The following ARAP2 variants were observed in gnomAD, a reference collection of about 807,000 sequenced individuals.
ARAP2 encodes arf-GAP with Rho-GAP domain, ANK repeat and PH domain-containing protein 2.
In ARAP2, 148 loss-of-function variants were observed where a neutral mutation model predicts 194.5. That is an observed-to-expected ratio of 0.76 (90% CI 0.67 to 0.87). The LOEUF (loss-of-function observed/expected upper bound fraction) is 0.87. Ranked by LOEUF, ARAP2 falls within the 40% of genes least tolerant of loss-of-function variation. The pLI is 0.00. For synonymous variants in ARAP2, 695 were observed against 683.5 expected (o/e 1.02, Z -0.26); for missense variants, 2,128 against 1,989.7 (o/e 1.07, Z -1.32).
At chr4:36,121,359 A>G (rs2109543107) in intron 22 of ARAP2, 33 bp from the exon 23 acceptor site, 1 of 1,522,120 alleles carries the variant, frequency 6.6e-7, no homozygotes, top group Non-Finnish European at 8.8e-7. Context: ...ATTATGATAC[A>G]CTTTTATTTG....
chr4:36,052,740 G>A (rs1577669381), intron 2 of ARAP2, among the ~76,000 whole-genome samples: 1 of 152,098 alleles, frequency 6.6e-6, no homozygotes, highest in African/African-American at 2.4e-5. Context: ...CGAGGCGGGC[G>A]GATCACGAGG....
At chr4:36,158,185 A>C (rs1322980478) in intron 15 of ARAP2, among the ~76,000 whole-genome samples, 2 of 152,144 alleles carry the variant, frequency 1.3e-5, no homozygotes, top group African/African-American at 4.8e-5. Flanking sequence ...GCCCCATTGT[A>C]ACTCTGCTCA....
chr4:36,204,987 C>CAAAAAAAAA (rs754960122), intron 6 of ARAP2, among the ~76,000 whole-genome samples: 4 of 35,084 alleles, frequency 1.1e-4, no homozygotes, highest in Non-Finnish European at 1.4e-4. Context: ...GACTCCATCT[C>CAAAAAAAAA]AAAAAAAAAA....
At chr4:36,156,577 A>G (rs1732597911) in intron 15 of ARAP2, among the ~76,000 whole-genome samples, 1 of 152,170 alleles carries the variant, frequency 6.6e-6, no homozygotes, top group African/African-American at 2.4e-5. Context: ...AAGGGAAGCT[A>G]GGGTAAATAC....
At chr4:36,038,817 T>C (rs1720356833) in intron 5 of ARAP2, among the ~76,000 whole-genome samples, 1 of 152,176 alleles carries the variant, frequency 6.6e-6, no homozygotes, top group African/African-American at 2.4e-5. Context: ...ATAAAATAGA[T>C]TGGGCTATTC....
chr4:36,128,707 G>A lies in ARAP2; in HGVS notation c.3466C>T (p.Pro1156Ser), dbSNP rs771667374. The A allele has an allele frequency of 4.3e-6, 7 of 1,611,730 alleles. No homozygotes were observed. Reference sequence around the variant, plus strand: ...TCCAGGAGTTCACTTATATGCAAAGGATCACCATTCTTTTGATAGATATAT... The same window carrying A: ...TCCAGGAGTTCACTTATATGCAAAGAATCACCATTCTTTTGATAGATATAT... ...CKYIYQKNGDPLHISELLESF... is the reference protein window; with the variant it reads ...CKYIYQKNGDSLHISELLESF... Residue 1156 changes from proline to serine, a missense_variant, in exon 21 of 33, where the codon CCT becomes TCT. By Grantham distance (74) the Pro-to-Ser change is moderately conservative. Coordinates refer to ENST00000303965, the MANE Select transcript of ARAP2 (RefSeq NM_015230.4).
chr4:36,118,083 G>C (rs1721802766), intron 24 of ARAP2, among the ~76,000 whole-genome samples: 2 of 151,222 alleles, frequency 1.3e-5, no homozygotes. Context: ...AAAATTTTGT[G>C]GGGAAAACAT....
At chr4:36,168,565 A>G (rs1181445488) in intron 9 of ARAP2, among the ~76,000 whole-genome samples, 1 of 152,186 alleles carries the variant, frequency 6.6e-6, no homozygotes, top group Non-Finnish European at 1.5e-5. Flanking sequence ...ATGCCCCCCA[A>G]CTTGTAACAG....
Position 36,114,208 on chromosome 4 carries a change from A to G in ARAP2, c.4118T>C (p.Ile1373Thr), listed in dbSNP as rs1339932063. Reference protein sequence around the residue: ...IKNIIPTKGDIWATFEVIENE... With the variant: ...IKNIIPTKGDTWATFEVIENE... Reference sequence around the variant, plus strand: ...TTCAATGACTTCAAATGTGGCCCAAATATCACCTTTTGTAGGAATAATATT... The same window carrying G: ...TTCAATGACTTCAAATGTGGCCCAAGTATCACCTTTTGTAGGAATAATATT... Residue 1373 changes from isoleucine to threonine, a missense_variant, in exon 26 of 33, where the codon ATT (isoleucine) becomes ACT (threonine). Coordinates refer to ENST00000303965, the MANE Select transcript of ARAP2 (RefSeq NM_015230.4). 6.2e-7 allele frequency: 1 copy of G among 1,603,400 alleles called. No homozygotes were observed. Among genetic ancestry groups the G allele is most frequent in the South Asian group, 1.1e-5 (1 of 90,152 alleles).
At chr4:36,218,270 G>A (rs915964904) in intron 2 of ARAP2, among the ~76,000 whole-genome samples, 1 of 152,014 alleles carries the variant, frequency 6.6e-6, no homozygotes, top group East Asian at 1.9e-4. Context: ...TAAATGATGA[G>A]AACATATGAG....
intron 2 of ARAP2, among the ~76,000 whole-genome samples, chr4:36,222,710 T>C (rs1749444295): frequency 6.6e-6 from 1 of 151,232 alleles, no homozygotes; most frequent in Non-Finnish European, 1.5e-5. Flanking sequence ...AAAGTCTGGG[T>C]CCACTATGGC....
At chr4:36,048,891 T>C (rs73123435) in intron 3 of ARAP2, among the ~76,000 whole-genome samples, 3,302 of 152,248 alleles carry the variant, frequency 0.022, 142 homozygotes, top group African/African-American at 0.075. Flanking sequence ...ATTTTAAAAA[T>C]ACTTTTTAAG....
intron 3 of ARAP2, among the ~76,000 whole-genome samples, 196 bp from the exon 4 acceptor site, chr4:36,213,515 T>A (rs1747228245): frequency 6.6e-6 from 1 of 152,094 alleles, no homozygotes; most frequent in Non-Finnish European, 1.5e-5. Context: ...ACACATGGTA[T>A]CCACCACTTG....
At chr4:36,179,047 G>A (rs750720631) in intron 8 of ARAP2, among the ~76,000 whole-genome samples, 1 of 151,996 alleles carries the variant, frequency 6.6e-6, no homozygotes, top group East Asian at 1.9e-4. Context: ...GAACTCACAC[G>A]AAAAAAATGG....
In ARAP2 at chr4:36,124,881, T is replaced by C. The variant is rs757922460; in HGVS notation, c.3727A>G (p.Ile1243Val). ...ACCCACCTATACAGGTGTTCAATGA[T>C]AGCTGCTAGTGTTGCTCGGTTGACC... ...PGVNRATLAAIIEHLYRVQKC... is the reference protein window; with the variant it reads ...PGVNRATLAAVIEHLYRVQKC... The change falls in exon 22 of 33, where the codon ATC (isoleucine) becomes GTC (valine). Residue 1243 changes from isoleucine (I) to valine (V), a missense_variant. Coordinates refer to ENST00000303965, the MANE Select transcript of ARAP2 (RefSeq NM_015230.4). 2 of 1,609,070 alleles carry C rather than the reference T, an allele frequency of 1.2e-6. No homozygotes were observed. The highest frequency in any genetic ancestry group is 8.5e-7 in the Non-Finnish European group (1 of 1,176,766).
intron 5 of ARAP2, among the ~76,000 whole-genome samples, chr4:36,045,125 A>G (rs1721586668): frequency 6.6e-6 from 1 of 152,202 alleles, no homozygotes; most frequent in Non-Finnish European, 1.5e-5. Flanking sequence ...TGTGGAAAAC[A>G]GTATGGAGTT....
intron 19 of ARAP2, 87 bp downstream of exon 19, chr4:36,147,209 G>T: frequency 8.5e-7 from 1 of 1,176,738 alleles, no homozygotes; most frequent in South Asian, 1.3e-5. Flanking sequence ...TTAAAATATT[G>T]TTTTCTCCCT....
At chr4:36,204,539 A>T (rs1183184278) in intron 6 of ARAP2, among the ~76,000 whole-genome samples, 2 of 152,208 alleles carry the variant, frequency 1.3e-5, no homozygotes, top group Non-Finnish European at 2.9e-5. Flanking sequence ...GAATCCCAAG[A>T]TGTTAGTGTG....
intron 13 of ARAP2, chr4:36,160,025 G>A: frequency 3.3e-6 from 3 of 919,378 alleles, no homozygotes; most frequent in Non-Finnish European, 2.6e-6. Context: ...ACAGTGAGAA[G>A]GCGGCAATAA....
Sources: allele counts gnomAD v4.1 joint callset (sites outside exome capture counted in the v4.1 genomes callset), GRCh38; gene constraint gnomAD v4.1.1; transcripts MANE v1.5; gene names NCBI Gene and HGNC (gene_info 2026-07-23, HGNC 2026-07-21).